The following RALGPS1 variants were observed in gnomAD, a reference collection of about 807,000 sequenced individuals.
The protein encoded by RALGPS1 is ras-specific guanine nucleotide-releasing factor RalGPS1.
RALGPS1 carries 19 observed loss-of-function variants against 78.8 expected under a neutral mutation model. That is an observed-to-expected ratio of 0.24 (90% CI 0.17 to 0.35). The LOEUF is 0.35. Among genes scored for constraint, RALGPS1 ranks in the 10% least tolerant of loss-of-function variants. RALGPS1 has a pLI of 1.00. For synonymous variants in RALGPS1, 228 were observed against 256.3 expected, an observed-to-expected ratio of 0.89 and a Z score of 1.06; for missense variants, 454 against 688.3, an observed-to-expected ratio of 0.66 and a Z score of 3.81.
chr9:126,987,083 G>T lies in RALGPS1; in HGVS notation c.216+9338G>T, dbSNP rs977016073. Among the ~76,000 whole-genome samples, 7 of 152,288 alleles carry T rather than the reference G, an allele frequency of 4.6e-5. 1 individual carries two copies. The Middle Eastern group carries it at 0.01, about 222-fold the overall frequency. On this transcript the variant is annotated intron_variant, in intron 4 of 18. Coordinates refer to ENST00000259351, the MANE Select transcript of RALGPS1 (RefSeq NM_014636.3). The stretch of plus-strand genomic sequence containing the variant: ...TGCTCAGAATATTCAGATGATGCCT[G>T]TGCCGGAGCCAGTGTCCCAGAGGAG...
chr9:127,123,185 C>G lies in RALGPS1; in HGVS notation c.611-42884C>G, dbSNP rs117207399. ...GAGGCCTCATTCTCATCTCTAAACC[C>G]TGGGGAAAGGAGTCCAAGGCTGTCC... On this transcript the variant is annotated intron_variant, in intron 8 of 18. Coordinates refer to ENST00000259351, the MANE Select transcript of RALGPS1 (RefSeq NM_014636.3). Among the ~76,000 whole-genome samples the G allele has an allele frequency of 4.0e-3, 615 of 152,326 alleles. 8 individuals carry two copies. Among genetic ancestry groups the G allele is most frequent in the East Asian group, 0.028 (145 of 5,182 alleles).
intron 7 of RALGPS1, among the ~76,000 whole-genome samples, chr9:127,058,742 C>T (rs2048952546): frequency 6.6e-6 from 1 of 152,166 alleles, no homozygotes; most frequent in Non-Finnish European, 1.5e-5. Context: ...ATAGTAATTA[C>T]AGTCAGGTGC....
chr9:126,965,420 C>T (rs890827800), intron 2 of RALGPS1, among the ~76,000 whole-genome samples: 2 of 142,386 alleles, frequency 1.4e-5, no homozygotes, highest in East Asian at 2.2e-4. Flanking sequence ...GTCCTGTTCT[C>T]CCTCAAGGAA....
chr9:127,000,244 A>C (rs1449836712), intron 4 of RALGPS1, among the ~76,000 whole-genome samples: 2 of 151,968 alleles, frequency 1.3e-5, no homozygotes, highest in Non-Finnish European at 2.9e-5. Context: ...CTTTGGGTTT[A>C]ATTTGCTCTT....
chr9:126,923,733 G>T (rs1191937931), intron 1 of RALGPS1, among the ~76,000 whole-genome samples: 1 of 152,134 alleles, frequency 6.6e-6, no homozygotes, highest in Non-Finnish European at 1.5e-5. Context: ...TCACAGGTGC[G>T]ATTATAGCAC....
At chr9:127,161,173 C>T (rs1029194272) in intron 8 of RALGPS1, among the ~76,000 whole-genome samples, 5 of 152,236 alleles carry the variant, frequency 3.3e-5, no homozygotes, top group African/African-American at 1.2e-4. Flanking sequence ...GCTCCAAGCA[C>T]TGGTCCAACT....
intron 1 of RALGPS1, among the ~76,000 whole-genome samples, chr9:126,953,394 C>T (rs1009877280): frequency 5.3e-5 from 8 of 151,440 alleles, no homozygotes; most frequent in African/African-American, 1.5e-4. Flanking sequence ...TGTGTGTGCG[C>T]GTGTGTGTAT....
chr9:126,943,403 A>G (rs778025260), intron 1 of RALGPS1, among the ~76,000 whole-genome samples: 3 of 152,150 alleles, frequency 2.0e-5, no homozygotes, highest in Non-Finnish European at 4.4e-5. Flanking sequence ...TTGGCTTCCC[A>G]AAGTGCTGGG....
intron 8 of RALGPS1, among the ~76,000 whole-genome samples, chr9:127,094,354 A>G (rs1336425828): frequency 2.0e-5 from 3 of 152,210 alleles, no homozygotes; most frequent in African/African-American, 7.2e-5. Context: ...ACGTGGCAAC[A>G]TCAGTCAGTG....
chr9:127,058,917 T>C (rs761781079), intron 7 of RALGPS1, among the ~76,000 whole-genome samples: 7 of 152,094 alleles, frequency 4.6e-5, no homozygotes, highest in African/African-American at 1.7e-4. Context: ...ATTGTGAAAA[T>C]TGAAATTCTT....
At chr9:127,101,214 G>A (rs2053690384) in intron 8 of RALGPS1, among the ~76,000 whole-genome samples, 1 of 152,214 alleles carries the variant, frequency 6.6e-6, no homozygotes, top group African/African-American at 2.4e-5. Flanking sequence ...CCTTTCACCT[G>A]CCATGTGCTT....
intron 3 of RALGPS1, among the ~76,000 whole-genome samples, chr9:126,972,207 A>G (rs2040186309): frequency 6.6e-6 from 1 of 152,226 alleles, no homozygotes. Flanking sequence ...TTGCCCCATC[A>G]TGGCACAATT....
intron 11 of RALGPS1, among the ~76,000 whole-genome samples, chr9:127,191,952 C>G (rs1310052913): frequency 2.0e-5 from 3 of 152,184 alleles, no homozygotes; most frequent in Non-Finnish European, 4.4e-5. Context: ...CCGCCTCGGC[C>G]TCTCAAAGTG....
At chr9:127,150,444 T>C (rs1162199495) in intron 8 of RALGPS1, among the ~76,000 whole-genome samples, 2 of 152,226 alleles carry the variant, frequency 1.3e-5, no homozygotes, top group Non-Finnish European at 2.9e-5. Flanking sequence ...GCTTTAGGCT[T>C]TCCAAGCTCC....
chr9:127,080,035 C>T (rs1456457676), intron 8 of RALGPS1, among the ~76,000 whole-genome samples: 1 of 152,230 alleles, frequency 6.6e-6, no homozygotes, highest in Non-Finnish European at 1.5e-5. Context: ...TGCTGGACTC[C>T]TCTCGAAAGC....
intron 7 of RALGPS1, among the ~76,000 whole-genome samples, chr9:127,062,398 A>C (rs2049299017): frequency 6.6e-6 from 1 of 152,204 alleles, no homozygotes; most frequent in Non-Finnish European, 1.5e-5. Flanking sequence ...GCGCCCGGCC[A>C]AGGATGATTT....
At chr9:126,936,448 A>G (rs2036265183) in intron 1 of RALGPS1, among the ~76,000 whole-genome samples, 1 of 152,232 alleles carries the variant, frequency 6.6e-6, no homozygotes, top group Non-Finnish European at 1.5e-5. Flanking sequence ...AAGGAAAAAT[A>G]TTTCGTGACA....
intron 3 of RALGPS1, among the ~76,000 whole-genome samples, chr9:126,977,267 A>G (rs2040754768): frequency 6.6e-6 from 1 of 152,276 alleles, no homozygotes; most frequent in African/African-American, 2.4e-5. Flanking sequence ...CCACAGCTTT[A>G]AAATGAACTT....
At chr9:126,984,679 T>A (rs920245998) in intron 4 of RALGPS1, among the ~76,000 whole-genome samples, 1 of 152,228 alleles carries the variant, frequency 6.6e-6, no homozygotes, top group Non-Finnish European at 1.5e-5. Context: ...GTCCTGTCTT[T>A]GACCAGTTGG....
Sources: gnomAD v4.1 joint callset for allele counts (sites outside exome capture counted in the v4.1 genomes callset) on GRCh38, gnomAD v4.1.1 for gene constraint, MANE v1.5 for transcripts, NCBI Gene and HGNC (gene_info 2026-07-23, HGNC 2026-07-21) for gene names.